Variants in CDKL4 observed in about 807,000 individuals in gnomAD.
CDKL4 encodes the protein cyclin-dependent kinase-like 4.
CDKL4 carries 44 observed loss-of-function variants against 42.0 expected under a neutral mutation model. That is an observed-to-expected ratio of 1.05 (90% confidence interval 0.82 to 1.35). The LOEUF (loss-of-function observed/expected upper bound fraction) is 1.35, where lower values mean the gene tolerates loss of function less well. Among genes scored for constraint, CDKL4 ranks in the 40% most tolerant of loss-of-function variants. The pLI is 0.00. For synonymous variants in CDKL4, 120 were observed against 121.6 expected, an observed-to-expected ratio of 0.99 and a Z score of 0.09; for missense variants, 393 against 369.9, an observed-to-expected ratio of 1.06 and a Z score of -0.51.
intron 4 of CDKL4, among the ~76,000 whole-genome samples, chr2:39,210,449 CAGTT>C (rs1216843807): frequency 6.6e-6 from 1 of 152,294 alleles, no homozygotes; most frequent in Non-Finnish European, 1.5e-5. Context: ...TAGTCACAAT[CAGTT>C]AGGCAGTTTG....
downstream of CDKL4, among the ~76,000 whole-genome samples, chr2:39,174,836 A>G (rs920964663): frequency 1.3e-5 from 2 of 152,194 alleles, no homozygotes; most frequent in African/African-American, 4.8e-5. Context: ...GATGCCCAGG[A>G]TAAAAGGCAC....
chr2:39,187,580 G>C (rs760103820), intron 7 of CDKL4, 47 bp downstream of exon 7: 1 of 1,300,394 alleles, frequency 7.7e-7, no homozygotes, highest in Non-Finnish European at 1.1e-6. Flanking sequence ...CCTCTTTAAA[G>C]AAAGCCGCAA....
At chr2:39,168,709 TA>T in the CDKL4 span, among the ~76,000 whole-genome samples, 441 of 132,114 alleles carry the variant, frequency 3.3e-3, no homozygotes, top group Middle Eastern at 3.7e-3. Flanking sequence ...AAACTCCATC[TA>T]AAAAAAAAAA....
intron 2 of CDKL4, among the ~76,000 whole-genome samples, chr2:39,227,768 GA>G (rs1308489537): frequency 1.3e-5 from 2 of 152,206 alleles, no homozygotes; most frequent in Non-Finnish European, 2.9e-5. Flanking sequence ...ACTACAGTTT[GA>G]TGCAATGTCA....
intron 1 of CDKL4, among the ~76,000 whole-genome samples, chr2:39,234,883 TA>T (rs202235688): frequency 4.0e-5 from 6 of 148,696 alleles, no homozygotes; most frequent in South Asian, 2.1e-4. Flanking sequence ...GATAAACATT[TA>T]AAAAAAATTT....
chr2:39,240,677 TAAAAAA>T (rs768356807), intron 1 of CDKL4, among the ~76,000 whole-genome samples: 1 of 87,940 alleles, frequency 1.1e-5, no homozygotes, highest in Non-Finnish European at 2.4e-5. Context: ...AGATGAACAT[TAAAAAA>T]AAAAAAAAAA....
intron 3 of CDKL4, among the ~76,000 whole-genome samples, chr2:39,221,456 A>T (rs1310799806): frequency 6.6e-6 from 1 of 151,794 alleles, no homozygotes; most frequent in Non-Finnish European, 1.5e-5. Flanking sequence ...CTTTAAAAAT[A>T]CTCTCTGGCC....
downstream of CDKL4, among the ~76,000 whole-genome samples, chr2:39,173,557 C>A (rs1675056470): frequency 6.6e-6 from 1 of 152,044 alleles, no homozygotes; most frequent in Non-Finnish European, 1.5e-5. Flanking sequence ...CGCCTGTAAT[C>A]CCAGCACTTT....
chr2:39,170,115 C>T, the CDKL4 span, among the ~76,000 whole-genome samples: 2 of 152,018 alleles, frequency 1.3e-5, no homozygotes, highest in East Asian at 1.9e-4. Flanking sequence ...TCACCTGCCT[C>T]GGCCTCCCAA....
At chr2:39,245,157 T>C (rs1449678108), upstream of CDKL4, among the ~76,000 whole-genome samples, 1 of 152,176 alleles carries the variant, frequency 6.6e-6, no homozygotes, top group Non-Finnish European at 1.5e-5. Context: ...GTTCTTTCGC[T>C]CTTTGCAACA....
chr2:39,179,626 A>G (rs1675323047), intron 8 of CDKL4, among the ~76,000 whole-genome samples: 1 of 152,258 alleles, frequency 6.6e-6, no homozygotes, highest in African/African-American at 2.4e-5. Flanking sequence ...AGCAGTCTGC[A>G]GAGTATAGTC....
At chr2:39,190,442 A>T in exon 6 of CDKL4, 1 of 1,614,124 alleles carries the variant, frequency 6.2e-7, no homozygotes, top group Non-Finnish European at 8.5e-7. Context: ...ATCTCCCACA[A>T]GAAGTTCAGG....
intron 4 of CDKL4, among the ~76,000 whole-genome samples, chr2:39,205,907 C>T (rs1289295603): frequency 6.6e-6 from 1 of 152,144 alleles, no homozygotes; most frequent in African/African-American, 2.4e-5. Flanking sequence ...CATTCCGCGC[C>T]AGGGGATGGG....
chr2:39,213,010 C>T (rs1572994642), intron 4 of CDKL4, among the ~76,000 whole-genome samples: 1 of 152,238 alleles, frequency 6.6e-6, no homozygotes, highest in East Asian at 1.9e-4. Context: ...GGGTCACTGG[C>T]ACTATGGCAA....
At chr2:39,189,625 G>C (rs997735030) in intron 6 of CDKL4, among the ~76,000 whole-genome samples, 2 of 152,144 alleles carry the variant, frequency 1.3e-5, no homozygotes, top group African/African-American at 4.8e-5. Flanking sequence ...CCTACTGCCT[G>C]TTTCTGTACA....
intron 5 of CDKL4, among the ~76,000 whole-genome samples, chr2:39,193,667 G>A: frequency 6.6e-6 from 1 of 152,142 alleles, no homozygotes; most frequent in East Asian, 1.9e-4. Flanking sequence ...GAGCCACTGT[G>A]CCTGGCCCGT....
rs748763891 is a variant in CDKL4 at position 39,229,552 on chromosome 2, A to C, written c.-20T>G. On this transcript the variant is annotated 5_prime_UTR_variant, in exon 2 of 10. Coordinates refer to ENST00000451199, the Ensembl canonical transcript of CDKL4. Reference sequence around the variant, plus strand: ...TTCCATTATAGCTGAAGTGACTTAAATTATTGTATCGATTGACTTGCAGTA... The same window carrying C: ...TTCCATTATAGCTGAAGTGACTTAACTTATTGTATCGATTGACTTGCAGTA... 7 of 1,584,474 alleles carry C rather than the reference A, an allele frequency of 4.4e-6. No individual in the cohort carries two copies. The African/African-American group carries it at 6.8e-5, about 15-fold the overall frequency.
chr2:39,229,685 T>TCTG, intron 1 of CDKL4, 97 bp from the exon 2 acceptor site: 1 of 499,670 alleles, frequency 2.0e-6, no homozygotes, highest in South Asian at 4.1e-5. Context: ...AAGGTTTATA[T>TCTG]TCATCAATTA....
intron 4 of CDKL4, among the ~76,000 whole-genome samples, chr2:39,212,441 G>A (rs1246078401): frequency 6.6e-6 from 1 of 151,808 alleles, no homozygotes; most frequent in East Asian, 1.9e-4. Context: ...CACCGTGTTG[G>A]CCAGGATGGT....
Sources: gnomAD v4.1 joint callset for allele counts (sites outside exome capture counted in the v4.1 genomes callset) on GRCh38, gnomAD v4.1.1 for gene constraint, MANE v1.5 for transcripts, NCBI Gene and HGNC (gene_info 2026-07-23, HGNC 2026-07-21) for gene names.